Variants in GCC2 observed in about 807,000 individuals in gnomAD.
The protein encoded by GCC2 is GRIP and coiled-coil domain-containing protein 2.
In GCC2, 120 loss-of-function variants were observed where a neutral mutation model predicts 210.6. That is an observed-to-expected ratio of 0.57 (90% confidence interval 0.49 to 0.66). The LOEUF (loss-of-function observed/expected upper bound fraction) is 0.66, where lower values mean the gene tolerates loss of function less well. Ranked by LOEUF, GCC2 falls within the 30% of genes least tolerant of loss-of-function variation. The pLI is 0.00. For synonymous variants in GCC2, 703 were observed against 652.7 expected, an observed-to-expected ratio of 1.08 and a Z score of -1.17; for missense variants, 1,868 against 1,871.9, an observed-to-expected ratio of 1.00 and a Z score of 0.04.
chr2:108,454,107 C>T (rs1434880275), intron 4 of GCC2, among the ~76,000 whole-genome samples: 1 of 152,140 alleles, frequency 6.6e-6, no homozygotes, highest in Non-Finnish European at 1.5e-5. Flanking sequence ...TCTCCTGCCT[C>T]AGCCTCCCAA....
chr2:108,488,857 G>C (rs761140471), intron 17 of GCC2, among the ~76,000 whole-genome samples: 2 of 152,110 alleles, frequency 1.3e-5, no homozygotes, highest in Non-Finnish European at 2.9e-5. Flanking sequence ...ATTAAATATA[G>C]AGACTGTAGA....
rs748478391 is a variant in GCC2, at chr2:108,507,509, ACTCT to A, written c.4985-48_4985-45del. The A allele has an allele frequency of 1.0e-5, 14 of 1,370,950 alleles. No individual in the cohort carries two copies. In the Admixed American group the frequency reaches 2.8e-4, roughly 28 times the overall value. The allele number at this position is 1,370,950 out of a possible 1,614,324, so 84.9% of individuals were successfully genotyped here. A position where few individuals can be genotyped will look rare whatever the true frequency, so the allele number is the denominator to read the frequency against. ...AGATTTTACATTGAGAAATTTTAAT[ACTCT>A]CTTTTTTCTTTTATTTTTCTTTTTT... On this transcript the variant is annotated intron_variant, in intron 22 of 22. Transcript: ENST00000309863.
intron 16 of GCC2, among the ~76,000 whole-genome samples, chr2:108,487,004 C>G (rs1222496164): frequency 6.6e-6 from 1 of 152,112 alleles, no homozygotes; most frequent in Non-Finnish European, 1.5e-5. Flanking sequence ...GGCCTACTTT[C>G]TTGTCATCAT....
chr2:108,452,566 C>T lies in GCC2; in HGVS notation c.216+100C>T, dbSNP rs187890797. 6.6e-4 allele frequency: 491 copies of T among 748,022 alleles called. 3 individuals are homozygous for T. Among genetic ancestry groups the T allele is most frequent in the African/African-American group, 3.1e-3 (179 of 57,076 alleles). 46.3% of individuals were successfully genotyped at this position (748,022 alleles called of 1,614,324 possible). The stretch of plus-strand genomic sequence containing the variant: ...TGGCTTTCTGTTTCTGTTCTACTTC[C>T]TCTCTGCCTTGGTTGTTTTTACCTA... On this transcript the variant is annotated intron_variant, in intron 4 of 22. Coordinates refer to ENST00000309863, the MANE Select transcript of GCC2 (RefSeq NM_181453.4).
chr2:108,469,959 T>A lies in GCC2; in HGVS notation c.630T>A (p.Asp210Glu). The A allele has an allele frequency of 6.2e-7, 1 of 1,613,326 alleles. No homozygotes were observed. The highest frequency in any genetic ancestry group is 8.5e-7 in the Non-Finnish European group (1 of 1,179,600). Residue 210 changes from aspartate to glutamate, a missense_variant, in exon 6 of 23, where the codon GAT becomes GAA. Asp to Glu is a conservative substitution (Grantham distance 45). Around this residue, in one of 3 missense-constraint regions of GCC2, gnomAD observed 1,847 missense variants for 1,765.2 expected, o/e 1.05. Coordinates refer to ENST00000309863, the MANE Select transcript of GCC2 (RefSeq NM_181453.4). ...AAAAGCAATTAGACGCTACCACTGA[T>A]GAAAAGAAGGAAACAGTTACTCAAC... ...YLQKQLDATT[D>E]EKKETVTQLQ... is the part of the protein sequence containing the mutation.
rs181865310 is a variant in GCC2 at position 108,495,710 on chromosome 2, G to A, written c.4642+225G>A. On this transcript the variant is annotated intron_variant, in intron 20 of 22. Coordinates refer to ENST00000309863, the MANE Select transcript of GCC2 (RefSeq NM_181453.4). ...ATGCTTATTAAGTATTACCTTACACGATCACTAGGCCATCTGCAGGCTGAG... is the reference window on the plus strand; with the variant it reads ...ATGCTTATTAAGTATTACCTTACACAATCACTAGGCCATCTGCAGGCTGAG... 1.7e-3 allele frequency: 514 copies of A among 294,136 alleles called. 11 individuals are homozygous for A. In the Admixed American group the frequency reaches 0.022, roughly 13 times the overall value. The allele number at this position is 294,136 out of a possible 1,614,324, so 18.2% of individuals were successfully genotyped here.
intron 4 of GCC2, among the ~76,000 whole-genome samples, chr2:108,453,410 CCT>C (rs1383869123): frequency 6.6e-6 from 1 of 152,146 alleles, no homozygotes; most frequent in Non-Finnish European, 1.5e-5. Flanking sequence ...TCAATAAAAA[CCT>C]CACTGGGTTC....
At chr2:108,465,145 G>A (rs1680811519) in intron 4 of GCC2, among the ~76,000 whole-genome samples, 1 of 152,206 alleles carries the variant, frequency 6.6e-6, no homozygotes, top group Non-Finnish European at 1.5e-5. Context: ...TGAGATTTGG[G>A]TGGGGACAAA....
At chr2:108,479,783 A>G (rs761355666) in intron 9 of GCC2, among the ~76,000 whole-genome samples, 3 of 152,050 alleles carry the variant, frequency 2.0e-5, no homozygotes, top group Non-Finnish European at 2.9e-5. Flanking sequence ...TCAATTCAAG[A>G]CCAGCCTGGC....
chr2:108,477,328 C>T (rs1424238082), intron 9 of GCC2, among the ~76,000 whole-genome samples: 1 of 152,168 alleles, frequency 6.6e-6, no homozygotes, highest in Admixed American at 6.5e-5. Context: ...CTTCTAAGCA[C>T]TTTACATATC....
intron 2 of GCC2, 101 bp from the exon 3 acceptor site, chr2:108,450,927 T>C (rs1281503819): frequency 5.4e-6 from 4 of 747,262 alleles, no homozygotes; most frequent in Admixed American, 5.0e-5. Context: ...TAAAGATTTA[T>C]TCTGTAGAAT....
chr2:108,494,309 G>A (rs1182544451), intron 19 of GCC2: 1 of 152,466 alleles, frequency 6.6e-6, no homozygotes, highest in Non-Finnish European at 1.5e-5. Context: ...GGGAGGCAGA[G>A]GTTGCTGTGA....
intron 7 of GCC2, chr2:108,474,927 C>T (rs1681430374): frequency 6.6e-6 from 1 of 152,198 alleles, no homozygotes. Flanking sequence ...CACACAGACA[C>T]TTCACTATGG....
At position 108,489,976 on chromosome 2, in the gene GCC2, G is replaced by A. The variant is rs370787694; in HGVS notation, c.4191G>A (p.Leu1397=). The A allele has an allele frequency of 2.5e-5, 41 of 1,608,964 alleles. No homozygotes were observed. The highest frequency in any genetic ancestry group is 3.5e-5 in the Non-Finnish European group (41 of 1,178,120). ...DTLLERHNKM[L]QETVSKEAEL... is the part of the protein sequence containing the mutation. ...TGCTAGAAAGGCACAACAAGATGCT[G>A]CAGGAAACTGTGTCCAAAGAGGCGG... Residue 1397 remains leucine, a synonymous_variant, in exon 18 of 23, where the codon CTG becomes CTA. Coordinates refer to ENST00000309863, the MANE Select transcript of GCC2 (RefSeq NM_181453.4).
intron 22 of GCC2, among the ~76,000 whole-genome samples, chr2:108,503,189 C>T (rs1056654494): frequency 6.6e-6 from 1 of 151,736 alleles, no homozygotes; most frequent in South Asian, 2.1e-4. Flanking sequence ...AAGAAATCTA[C>T]TTCTAGTCAC....
In GCC2 at chr2:108,481,356, C is replaced by A. The variant is rs574790817; in HGVS notation, c.3061-341C>A. ...CAGGTTAAACTTTTTATCCTCTGTCCTTAAATTGTGTTTATTAAACGTTGT... is the reference window on the plus strand; with the variant it reads ...CAGGTTAAACTTTTTATCCTCTGTCATTAAATTGTGTTTATTAAACGTTGT... On this transcript the variant is annotated intron_variant, in intron 9 of 22. Transcript: ENST00000309863. 3.9e-5 allele frequency among the ~76,000 whole-genome samples: 6 copies of A among 152,224 alleles called. No individual in the cohort carries two copies. In the South Asian group the frequency reaches 1.2e-3, roughly 32 times the overall value.
chr2:108,461,995 G>C, intron 4 of GCC2, among the ~76,000 whole-genome samples: 1 of 118,862 alleles, frequency 8.4e-6, no homozygotes, highest in East Asian at 8.6e-4. Context: ...ACCGCCCCCA[G>C]CTAATTTTTT....
chr2:108,487,755 T>C lies in GCC2; in HGVS notation c.3987T>C (p.Asn1329=). Reference sequence around the variant, plus strand: ...AGAGCTACAAAGTCCGAGTTCATAATGTTCTAAAACAACAGAAAAATAAAT... The same window carrying C: ...AGAGCTACAAAGTCCGAGTTCATAACGTTCTAAAACAACAGAAAAATAAAT... ...EFESYKVRVH[N]VLKQQKNKSM... The change falls in exon 17 of 23, where the codon AAT becomes AAC. Residue 1329 remains asparagine, a synonymous_variant. Transcript: ENST00000309863. 6.2e-7 allele frequency: 1 copy of C among 1,613,476 alleles called. No homozygotes were observed. Among genetic ancestry groups the C allele is most frequent in the Non-Finnish European group, 8.5e-7 (1 of 1,179,450 alleles).
intron 22 of GCC2, 134 bp from the exon 23 acceptor site, chr2:108,507,426 G>A: frequency 1.8e-5 from 8 of 439,032 alleles, no homozygotes; most frequent in South Asian, 6.4e-5. Context: ...CAAAAAAAAG[G>A]CATGTAATCA....
Sources: allele counts gnomAD v4.1 joint callset (sites outside exome capture counted in the v4.1 genomes callset), GRCh38; gene constraint gnomAD v4.1.1; regional missense constraint gnomAD v4.1.1; transcripts MANE v1.5; gene names NCBI Gene and HGNC (gene_info 2026-07-23, HGNC 2026-07-21).